JADE3: variants seen among roughly 807,000 people sequenced by gnomAD.
JADE3 encodes jade family PHD finger 3.
Under a neutral mutation model 50.1 loss-of-function variants are expected in JADE3, and 2 were observed. The ratio of observed to expected loss-of-function variants is 0.04; its 90% CI spans 0.02 to 0.13. The LOEUF is 0.13. Among genes scored for constraint, JADE3 ranks in the 10% least tolerant of loss-of-function variants. The probability of loss-of-function intolerance (pLI) is 1.00; values close to 1 mark genes in which losing one functional copy is unlikely to be tolerated. For missense variants in JADE3, 475 were observed against 634.4 expected (o/e 0.75, Z 2.70); for synonymous variants, 218 against 232.9 (o/e 0.94, Z 0.58).
intron 10 of JADE3, 42 bp from the exon 11 acceptor site, chrX:47,058,125 T>C: frequency 9.1e-7 from 1 of 1,102,253 alleles, no homozygotes; most frequent in East Asian, 3.0e-5. Context: ...AAAGCCATTA[T>C]TTAAATCGGT....
Position 47,060,609 on chromosome X carries a change from T to C in JADE3, c.*1532T>C, listed in dbSNP as rs1929754154. 2 of 112,160 alleles carry C rather than the reference T, an allele frequency of 1.8e-5. No homozygotes were observed. Among genetic ancestry groups the C allele is most frequent in the South Asian group, 3.7e-4 (1 of 2,701 alleles). 9.2% of individuals were successfully genotyped at this position (112,160 alleles called of 1,213,427 possible). A position where few individuals can be genotyped will look rare whatever the true frequency, so the allele number is the denominator to read the frequency against. On this transcript the variant is annotated 3_prime_UTR_variant, in exon 11 of 11. Transcript: ENST00000614628. ...CTCCTTTTCTGAAAATGTATGTGTT[T>C]TGCCTCTCTTTTGGCTACATCTTCA...
chrX:47,009,149 C>T (rs1556361032), intron 4 of JADE3, among the ~76,000 whole-genome samples: 1 of 110,143 alleles, frequency 9.1e-6, no homozygotes, highest in Admixed American at 9.7e-5. Flanking sequence ...ATAGTGAGAC[C>T]TCGTCTCTAC....
At chrX:46,954,918 T>A (rs1395887656) in intron 1 of JADE3, among the ~76,000 whole-genome samples, 1 of 112,462 alleles carries the variant, frequency 8.9e-6, no homozygotes, top group African/African-American at 3.2e-5. Context: ...TCTGTCAGGT[T>A]CCAGGCATGC....
At chrX:47,051,844 C>T (rs1929515363) in intron 8 of JADE3, among the ~76,000 whole-genome samples, 1 of 106,464 alleles carries the variant, frequency 9.4e-6, no homozygotes, top group South Asian at 4.2e-4. Flanking sequence ...GCCTGTAATC[C>T]CAGCACTTTG....
At chrX:46,983,181 C>T (rs1364245638) in intron 1 of JADE3, among the ~76,000 whole-genome samples, 3 of 112,098 alleles carry the variant, frequency 2.7e-5, no homozygotes, top group Non-Finnish European at 5.6e-5. Flanking sequence ...GCTTGAACTT[C>T]TGTACACTCA....
chrX:46,981,227 G>A (rs1927746854), intron 1 of JADE3, among the ~76,000 whole-genome samples: 1 of 111,873 alleles, frequency 8.9e-6, no homozygotes, highest in South Asian at 3.7e-4. Context: ...GTGATAATTT[G>A]TTACTGTAAC....
intron 7 of JADE3, among the ~76,000 whole-genome samples, chrX:47,035,000 CATT>C (rs1487368402): frequency 9.0e-6 from 1 of 111,158 alleles, no homozygotes. Context: ...AATTTTTTAT[CATT>C]ATCTAGCCTG....
intron 6 of JADE3, among the ~76,000 whole-genome samples, chrX:47,030,876 C>T (rs1482564168): frequency 9.1e-6 from 1 of 110,439 alleles, no homozygotes; most frequent in Non-Finnish European, 1.9e-5. Context: ...ATGGTGAAAC[C>T]CCGTCTCTAT....
intron 1 of JADE3, among the ~76,000 whole-genome samples, chrX:46,964,876 G>T (rs886732516): frequency 8.9e-6 from 1 of 112,120 alleles, no homozygotes; most frequent in Non-Finnish European, 1.9e-5. Context: ...CTAAAAATAA[G>T]CAGTATGCTA....
intron 6 of JADE3, among the ~76,000 whole-genome samples, chrX:47,030,812 G>A (rs1464495745): frequency 4.5e-5 from 5 of 111,702 alleles, no homozygotes; most frequent in African/African-American, 1.6e-4. Context: ...AGCACTTTGG[G>A]AGGCCGAGGC....
chrX:46,954,262 G>C (rs1298092114), intron 1 of JADE3, among the ~76,000 whole-genome samples: 1 of 111,760 alleles, frequency 8.9e-6, no homozygotes, highest in African/African-American at 3.3e-5. Context: ...TGTGGGTCTA[G>C]AAAGAAGGTA....
chrX:47,057,459 A>G (rs182384430), intron 10 of JADE3, among the ~76,000 whole-genome samples: 1 of 111,403 alleles, frequency 9.0e-6, no homozygotes, highest in Admixed American at 9.6e-5. Context: ...TGAGAAACTG[A>G]TTGCCGATAC....
At chrX:46,944,469 C>G (rs1556342880) in intron 1 of JADE3, among the ~76,000 whole-genome samples, 1 of 109,907 alleles carries the variant, frequency 9.1e-6, no homozygotes, top group East Asian at 2.9e-4. Context: ...CCATGCCCAA[C>G]TAATGTTTTT....
intron 7 of JADE3, among the ~76,000 whole-genome samples, chrX:47,035,644 C>T (rs1929119567): frequency 9.0e-6 from 1 of 111,246 alleles, no homozygotes; most frequent in African/African-American, 3.3e-5. Context: ...TTCTGGACTA[C>T]TCAAGATCTG....
intron 1 of JADE3, among the ~76,000 whole-genome samples, chrX:46,927,084 C>G (rs1926386361): frequency 8.9e-6 from 1 of 111,993 alleles, no homozygotes; most frequent in African/African-American, 3.2e-5. Context: ...AGTTTGAATG[C>G]TAGGATGGAT....
chrX:46,998,073 A>T (rs1569536811), intron 3 of JADE3, 47 bp from the exon 4 acceptor site: 1 of 1,046,701 alleles, frequency 9.6e-7, no homozygotes. Flanking sequence ...GAATGGTATC[A>T]GTTGCATAGT....
At chrX:46,920,338 G>A (rs1926194414) in intron 1 of JADE3, among the ~76,000 whole-genome samples, 1 of 112,491 alleles carries the variant, frequency 8.9e-6, no homozygotes, top group Non-Finnish European at 1.9e-5. Flanking sequence ...CATGCAATAT[G>A]TAGCCTTTTT....
chrX:46,972,858 C>CA (rs1927529557), intron 1 of JADE3, among the ~76,000 whole-genome samples: 1 of 112,212 alleles, frequency 8.9e-6, no homozygotes, highest in South Asian at 3.7e-4. Flanking sequence ...CTCAGTGTCC[C>CA]AAAGTGCTAG....
intron 1 of JADE3, among the ~76,000 whole-genome samples, chrX:46,949,900 A>T (rs1222377330): frequency 8.9e-6 from 1 of 111,824 alleles, no homozygotes; most frequent in Non-Finnish European, 1.9e-5. Context: ...CATGATGTAG[A>T]GGAATATTCA....
Sources: gnomAD v4.1 joint callset for allele counts (sites outside exome capture counted in the v4.1 genomes callset) on GRCh38, gnomAD v4.1.1 for gene constraint, MANE v1.5 for transcripts, NCBI Gene and HGNC (gene_info 2026-07-23, HGNC 2026-07-21) for gene names.